PHEX: variants seen among roughly 807,000 people sequenced by gnomAD.
PHEX encodes the protein phosphate regulating endopeptidase X-linked, also known as phosphate-regulating neutral endopeptidase PHEX.
PHEX carries 16 observed loss-of-function variants against 68.0 expected under a neutral mutation model. The ratio of observed to expected loss-of-function variants is 0.24; its 90% confidence interval spans 0.16 to 0.36. The LOEUF is 0.36. Among genes scored for constraint, PHEX ranks in the 10% least tolerant of loss-of-function variants. The pLI, the probability that PHEX is intolerant of heterozygous loss-of-function variation, is 1.00. For missense variants in PHEX, 480 were observed against 575.5 expected, an observed-to-expected ratio of 0.83 and a Z score of 1.70; for synonymous variants, 208 against 205.1, an observed-to-expected ratio of 1.01 and a Z score of -0.12.
chrX:22,070,483 C>T (rs1928850832), intron 3 of PHEX, among the ~76,000 whole-genome samples: 1 of 111,394 alleles, frequency 9.0e-6, no homozygotes, highest in African/African-American at 3.3e-5. Context: ...AATTGAAGAC[C>T]AGCCTGGGCA....
chrX:22,061,351 CTCT>C (rs1928354077), intron 3 of PHEX, among the ~76,000 whole-genome samples: 3 of 111,561 alleles, frequency 2.7e-5, no homozygotes, highest in African/African-American at 9.8e-5. Context: ...TTTAGCTATG[CTCT>C]CACCCCCAAT....
chrX:22,056,787 T>C (rs1928130916), intron 3 of PHEX, among the ~76,000 whole-genome samples: 1 of 105,192 alleles, frequency 9.5e-6, no homozygotes, highest in Non-Finnish European at 1.9e-5. Context: ...ATAATAATAA[T>C]AATAATAATA....
At chrX:22,209,767 CT>C (rs1460878730) in intron 15 of PHEX, among the ~76,000 whole-genome samples, 10 of 95,614 alleles carry the variant, frequency 1.0e-4, no homozygotes, top group African/African-American at 3.9e-4. Context: ...CCTCTCCTCC[CT>C]CTCCTCCCTC....
At position 22,247,998 on chromosome X, in the gene PHEX, A is replaced by T; in HGVS notation, c.*45A>T. 1.1e-6 allele frequency: 1 copy of T among 922,910 alleles called. No individual in the cohort carries two copies. The allele number at this position is 922,910 out of a possible 1,213,427, so 76.1% of individuals were successfully genotyped here. A position where few individuals can be genotyped will look rare whatever the true frequency, so the allele number is the denominator to read the frequency against. On this transcript the variant is annotated 3_prime_UTR_variant, in exon 22 of 22. Coordinates refer to ENST00000379374, the MANE Select transcript of PHEX (RefSeq NM_000444.6). ...CATCCTGAGACAGTTGCACAGTGCC[A>T]GCGGAGGCTGCACTGAGCCTTCATC...
At chrX:22,113,809 T>G (rs750519159) in intron 10 of PHEX, among the ~76,000 whole-genome samples, 128 of 110,944 alleles carry the variant, frequency 1.2e-3, no homozygotes, top group African/African-American at 3.8e-3. Flanking sequence ...GACACTTGGA[T>G]AGCATCCTCT....
chrX:22,159,889 C>T (rs1457078295), intron 12 of PHEX, among the ~76,000 whole-genome samples: 4 of 112,143 alleles, frequency 3.6e-5, no homozygotes, highest in East Asian at 2.8e-4. Context: ...ATTCTACAGA[C>T]GAGGAACCTG....
intron 15 of PHEX, among the ~76,000 whole-genome samples, chrX:22,198,196 CTT>C (rs1413090604): frequency 3.0e-5 from 3 of 101,236 alleles, no homozygotes; most frequent in Non-Finnish European, 3.9e-5. Flanking sequence ...ATTATATATA[CTT>C]ATATATATGT....
chrX:22,053,444 A>G lies in PHEX; in HGVS notation c.349+6233A>G, dbSNP rs1160633946. 2.7e-5 allele frequency among the ~76,000 whole-genome samples: 3 copies of G among 112,015 alleles called. No homozygotes were observed. The East Asian group carries it at 8.4e-4, about 31-fold the overall frequency. ...GTGAATTTTTTTCTTTAAATGGCAT[A>G]TAAGACTCAGATTCCGACTTGGGAA... On this transcript the variant is annotated intron_variant, in intron 3 of 21. Coordinates refer to ENST00000379374, the MANE Select transcript of PHEX (RefSeq NM_000444.6).
intron 3 of PHEX, among the ~76,000 whole-genome samples, chrX:22,057,372 G>A (rs1483679638): frequency 9.0e-6 from 1 of 111,421 alleles, no homozygotes; most frequent in Non-Finnish European, 1.9e-5. Context: ...GAGAGGTCAA[G>A]GTGGGCAGAT....
Position 22,092,356 on chromosome X carries a change from G to A in PHEX, c.733-1627G>A, listed in dbSNP as rs185075422. ...CCAAGCCACCTTGTACATTTGAGTAGGTACTCAATAAATATGTTTTTTGGT... is the reference window on the plus strand; with the variant it reads ...CCAAGCCACCTTGTACATTTGAGTAAGTACTCAATAAATATGTTTTTTGGT... On this transcript the variant is annotated intron_variant, in intron 6 of 21. Coordinates refer to ENST00000379374, the MANE Select transcript of PHEX (RefSeq NM_000444.6). 3.9e-3 allele frequency among the ~76,000 whole-genome samples: 432 copies of A among 111,533 alleles called. 2 individuals are homozygous for A. Among genetic ancestry groups the A allele is most frequent in the African/African-American group, 0.013 (408 of 30,672 alleles).
chrX:22,237,858 C>A (rs1377726245), intron 20 of PHEX, among the ~76,000 whole-genome samples: 3 of 112,429 alleles, frequency 2.7e-5, no homozygotes, highest in African/African-American at 9.7e-5. Flanking sequence ...CATATCATAC[C>A]TCAAGTCATA....
At chrX:22,155,315 G>A (rs996480593) in intron 12 of PHEX, among the ~76,000 whole-genome samples, 7 of 112,566 alleles carry the variant, frequency 6.2e-5, no homozygotes, top group Admixed American at 1.9e-4. Flanking sequence ...GTAAAGAATT[G>A]TTCATATAAG....
At chrX:22,147,820 T>G (rs1280138251) in intron 12 of PHEX, among the ~76,000 whole-genome samples, 1 of 111,525 alleles carries the variant, frequency 9.0e-6, no homozygotes, top group Non-Finnish European at 1.9e-5. Flanking sequence ...AATGCCATCA[T>G]TTGTGGTGGT....
chrX:22,076,827 A>T lies in PHEX; in HGVS notation c.436+353A>T, dbSNP rs1227657317. ...ACAGAGACTGGGAGGGAGTGCACCT[A>T]CTGGAGCCTAGAGAAATCCAGATTC... On this transcript the variant is annotated intron_variant, in intron 4 of 21. Transcript: ENST00000379374. 1.2e-4 allele frequency among the ~76,000 whole-genome samples: 14 copies of T among 112,061 alleles called. No homozygotes were observed. In the Admixed American group the frequency reaches 1.3e-3, roughly 11 times the overall value.
chrX:22,168,150 T>C (rs1933397466), intron 12 of PHEX, among the ~76,000 whole-genome samples, 162 bp from the exon 13 acceptor site: 1 of 111,976 alleles, frequency 8.9e-6, no homozygotes, highest in Non-Finnish European at 1.9e-5. Context: ...TACTGAGGTC[T>C]CTCAATATAT....
chrX:22,067,568 T>G (rs182208789), intron 3 of PHEX, among the ~76,000 whole-genome samples: 1 of 111,537 alleles, frequency 9.0e-6, no homozygotes, highest in Non-Finnish European at 1.9e-5. Context: ...CAAAAGTTCC[T>G]TTTTTGATTT....
intron 15 of PHEX, among the ~76,000 whole-genome samples, chrX:22,211,144 C>A (rs1479958466): frequency 9.0e-6 from 1 of 111,603 alleles, no homozygotes; most frequent in Non-Finnish European, 1.9e-5. Flanking sequence ...ACCCAGGGTG[C>A]AAAATTTAGT....
chrX:22,129,166 T>G (rs1931871050), intron 11 of PHEX, among the ~76,000 whole-genome samples: 2 of 111,313 alleles, frequency 1.8e-5, no homozygotes, highest in South Asian at 7.7e-4. Context: ...AGGGTGGAGA[T>G]GCTGGACAAA....
At chrX:22,115,681 A>T (rs781736146) in intron 11 of PHEX, among the ~76,000 whole-genome samples, 1 of 112,128 alleles carries the variant, frequency 8.9e-6, no homozygotes, top group African/African-American at 3.2e-5. Flanking sequence ...TATAAGTGAG[A>T]TCATATAATA....
Sources: gnomAD v4.1 joint callset for allele counts (sites outside exome capture counted in the v4.1 genomes callset) on GRCh38, gnomAD v4.1.1 for gene constraint, MANE v1.5 for transcripts, NCBI Gene and HGNC (gene_info 2026-07-23, HGNC 2026-07-21) for gene names.